The following DNAJC27 variants were observed in gnomAD, a reference collection of about 807,000 sequenced individuals.
The protein encoded by DNAJC27 is DnaJ heat shock protein family (Hsp40) member C27, also known as dnaJ homolog subfamily C member 27.
DNAJC27 carries 25 observed loss-of-function variants against 31.4 expected under a neutral mutation model. The observed-to-expected ratio is 0.80, with a 90% CI of 0.58 to 1.11. The LOEUF (loss-of-function observed/expected upper bound fraction) is 1.11, where lower values mean the gene tolerates loss of function less well. Ranked by LOEUF, DNAJC27 falls within the 50% of genes most tolerant of loss-of-function variation. DNAJC27 has a pLI of 0.00. For missense variants in DNAJC27, 356 were observed against 347.3 expected (o/e 1.02, Z -0.20); for synonymous variants, 106 against 112.7 (o/e 0.94, Z 0.37).
Position 24,947,402 on chromosome 2 carries a change from C to T in DNAJC27, c.*214G>A, listed in dbSNP as rs1430591913. 3 of 481,244 alleles carry T rather than the reference C, an allele frequency of 6.2e-6. No individual in the cohort carries two copies. In the East Asian group the frequency reaches 9.2e-5, roughly 15 times the overall value. The allele number at this position is 481,244 out of a possible 1,614,324, so 29.8% of individuals were successfully genotyped here. ...TTATCTAGAAATATGAAATGAAGTACAGGGTGTGACGCTCAGTTCACTTCA... is the reference window on the plus strand; with the variant it reads ...TTATCTAGAAATATGAAATGAAGTATAGGGTGTGACGCTCAGTTCACTTCA... On this transcript the variant is annotated 3_prime_UTR_variant, in exon 7 of 7. Transcript: ENST00000264711.
rs1329812537 is a variant in DNAJC27, at chr2:24,962,217, TTTTG to T, written c.240+1184_240+1187del. Among the ~76,000 whole-genome samples, 139 of 53,208 alleles carry T rather than the reference TTTTG, an allele frequency of 2.6e-3. 2 individuals carry two copies. The highest frequency in any genetic ancestry group is 9.6e-3 in the African/African-American group (124 of 12,892). The allele number at this position is 53,208 out of a possible 152,430, so 34.9% of individuals were successfully genotyped here. On this transcript the variant is annotated intron_variant, in intron 3 of 6. Coordinates refer to ENST00000264711, the MANE Select transcript of DNAJC27 (RefSeq NM_016544.3). ...GAAACTAAACAACATACTTTTTTTC[TTTTG>T]TTTTTTTTTGTGTTTTTTGTTTGTT...
intron 5 of DNAJC27, among the ~76,000 whole-genome samples, chr2:24,952,419 G>T (rs1276521007): frequency 6.6e-6 from 1 of 152,152 alleles, no homozygotes; most frequent in Non-Finnish European, 1.5e-5. Context: ...TACATGTAGA[G>T]ACTTTCTTTG....
chr2:24,964,091 T>C (rs1197797486), intron 2 of DNAJC27, among the ~76,000 whole-genome samples: 1 of 151,746 alleles, frequency 6.6e-6, no homozygotes, highest in Non-Finnish European at 1.5e-5. Flanking sequence ...TCATGAAAAA[T>C]CACCATTGGA....
Position 24,957,898 on chromosome 2 carries a change from G to A in DNAJC27, c.317C>T (p.Ala106Val). The A allele has an allele frequency of 2.5e-6, 4 of 1,614,154 alleles. No homozygotes were observed. Among genetic ancestry groups the A allele is most frequent in the Non-Finnish European group, 3.4e-6 (4 of 1,180,004 alleles). Residue 106 changes from alanine (A) to valine (V), a missense_variant, in exon 4 of 7, where the codon GCC (alanine) becomes GTC (valine). Ala to Val is a moderately conservative substitution (Grantham distance 64, BLOSUM62 0). Transcript: ENST00000264711. Reference protein sequence around the residue: ...YDVGQKDSFDALDAWLAEMKQ... With the variant: ...YDVGQKDSFDVLDAWLAEMKQ... ...CATTTCTGCCAGCCACGCATCAAGG[G>A]CGTCAAAGGAGTCTTTCTGCCCAAC...
chr2:24,949,054 C>A lies in DNAJC27; in HGVS notation c.690-1306G>T, dbSNP rs535240970. Among the ~76,000 whole-genome samples the A allele has an allele frequency of 2.0e-5, 3 of 152,242 alleles. No homozygotes were observed. In the East Asian group the frequency reaches 5.8e-4, roughly 29 times the overall value. On this transcript the variant is annotated intron_variant, in intron 6 of 6. Coordinates refer to ENST00000264711, the MANE Select transcript of DNAJC27 (RefSeq NM_016544.3). ...TGTTAACAGTTCTCCAAGTCTTAGGCGTACATTCTAGGGCCTTTTCTGCTT... is the reference window on the plus strand; with the variant it reads ...TGTTAACAGTTCTCCAAGTCTTAGGAGTACATTCTAGGGCCTTTTCTGCTT...
At chr2:24,963,299 G>T (rs1004264434) in intron 3 of DNAJC27, 106 bp downstream of exon 3, 13 of 807,558 alleles carry the variant, frequency 1.6e-5, no homozygotes, top group Admixed American at 2.5e-5. Context: ...CTAAAATTAT[G>T]CAATTTTACA....
chr2:24,962,377 T>C (rs1666071284), intron 3 of DNAJC27, among the ~76,000 whole-genome samples: 1 of 152,164 alleles, frequency 6.6e-6, no homozygotes, highest in Non-Finnish European at 1.5e-5. Context: ...TACCTCAGCC[T>C]CCCAGGAAGC....
intron 1 of DNAJC27, among the ~76,000 whole-genome samples, chr2:24,969,782 A>G (rs1423431800): frequency 5.3e-5 from 8 of 152,210 alleles, no homozygotes; most frequent in Admixed American, 5.2e-4. Flanking sequence ...CCCGGCCTGA[A>G]AAATATTTTT....
intron 6 of DNAJC27, among the ~76,000 whole-genome samples, chr2:24,948,689 C>T (rs1665701857): frequency 6.6e-6 from 1 of 152,162 alleles, no homozygotes. Context: ...CTCAAAGAGC[C>T]AAAACTGGCT....
intron 5 of DNAJC27, among the ~76,000 whole-genome samples, chr2:24,954,914 C>T (rs929665841): frequency 7.9e-5 from 12 of 151,928 alleles, no homozygotes; most frequent in Non-Finnish European, 1.6e-4. Context: ...CCAGCCTGGG[C>T]AACAGAGCCA....
At chr2:24,948,564 C>G (rs1665698438) in intron 6 of DNAJC27, among the ~76,000 whole-genome samples, 1 of 152,162 alleles carries the variant, frequency 6.6e-6, no homozygotes, top group South Asian at 2.1e-4. Flanking sequence ...AAAGAAGAAA[C>G]ACGACAGAGA....
chr2:24,959,690 C>T (rs1293660450), intron 3 of DNAJC27, among the ~76,000 whole-genome samples: 1 of 152,200 alleles, frequency 6.6e-6, no homozygotes, highest in Non-Finnish European at 1.5e-5. Flanking sequence ...AAACAGATAC[C>T]TCTTTATCTT....
chr2:24,969,186 A>C (rs1383498861), intron 1 of DNAJC27: 1 of 216,358 alleles, frequency 4.6e-6, no homozygotes, highest in Non-Finnish European at 1.0e-5. Flanking sequence ...ATTGCCTGTC[A>C]CAAAACGTAC....
chr2:24,970,114 T>A (rs575736265), intron 1 of DNAJC27, among the ~76,000 whole-genome samples: 1 of 152,350 alleles, frequency 6.6e-6, no homozygotes, highest in South Asian at 2.1e-4. Context: ...CTAGGAACTT[T>A]ATTTTTGTTG....
At chr2:24,969,448 G>T in intron 1 of DNAJC27, 2 of 185,856 alleles carry the variant, frequency 1.1e-5, no homozygotes, top group Admixed American at 6.1e-5. Flanking sequence ...GGTGGAAACT[G>T]TGAACGTTGA....
At chr2:24,955,544 G>A (rs138359404) in intron 5 of DNAJC27, among the ~76,000 whole-genome samples, 233 of 152,228 alleles carry the variant, frequency 1.5e-3, no homozygotes, top group Non-Finnish European at 2.5e-3. Context: ...CAAATTTGAT[G>A]AAAAACACCC....
At chr2:24,971,676 C>T (rs1350192677) in intron 1 of DNAJC27, 142 bp downstream of exon 1, 1 of 625,306 alleles carries the variant, frequency 1.6e-6, no homozygotes. Flanking sequence ...GTTCGCGGAG[C>T]CGCACCCCTC....
intron 6 of DNAJC27, among the ~76,000 whole-genome samples, chr2:24,948,547 C>A (rs1439853200): frequency 6.6e-6 from 1 of 152,092 alleles, no homozygotes; most frequent in African/African-American, 2.4e-5. Flanking sequence ...AATGAGCTCA[C>A]GAGACCAAAG....
chr2:24,950,252 T>A (rs1406326017), intron 6 of DNAJC27, among the ~76,000 whole-genome samples: 1 of 152,174 alleles, frequency 6.6e-6, no homozygotes, highest in African/African-American at 2.4e-5. Flanking sequence ...GACTTGAAGA[T>A]ACGCTGTGAG....
Sources: gnomAD v4.1 joint callset for allele counts (sites outside exome capture counted in the v4.1 genomes callset) on GRCh38, gnomAD v4.1.1 for gene constraint, MANE v1.5 for transcripts, NCBI Gene and HGNC (gene_info 2026-07-23, HGNC 2026-07-21) for gene names.